KLRG1: variants seen among roughly 807,000 people sequenced by gnomAD.
KLRG1 encodes the protein killer cell lectin-like receptor subfamily G member 1.
In KLRG1, 16 loss-of-function variants were observed where a neutral mutation model predicts 21.8. The ratio of observed to expected loss-of-function variants is 0.73; its 90% CI spans 0.50 to 1.11. The LOEUF (loss-of-function observed/expected upper bound fraction) is 1.11, where lower values mean the gene tolerates loss of function less well. Among genes scored for constraint, KLRG1 ranks in the 50% most tolerant of loss-of-function variants. The probability of loss-of-function intolerance (pLI) is 0.00; values close to 1 mark genes in which losing one functional copy is unlikely to be tolerated. For synonymous variants in KLRG1, 69 were observed against 75.9 expected (o/e 0.91, Z 0.47); for missense variants, 173 against 218.3 (o/e 0.79, Z 1.31).
At chr12:9,079,280 A>C in the KLRG1 span, 1 of 1,613,726 alleles carries the variant, frequency 6.2e-7, no homozygotes, top group South Asian at 1.1e-5. Flanking sequence ...TCGCTCCCCA[A>C]AGGTGCTGTA....
chr12:9,090,663 G>GT, the KLRG1 span: 8 of 610,914 alleles, frequency 1.3e-5, no homozygotes, highest in Non-Finnish European at 2.2e-5. Context: ...GATTTACACA[G>GT]GTAAATCTGA....
rs116204274 is a variant in KLRG1 at position 9,010,555 on chromosome 12, G to C, written c.*1018G>C. ...CTCAGTAGAGTTTGGACATACATAA[G>C]GAGAGAAGGTACAGTGATGAAGGAG... On this transcript the variant is annotated 3_prime_UTR_variant, in exon 5 of 5. Transcript: ENST00000356986. 1 of 152,698 alleles carries C rather than the reference G, an allele frequency of 6.5e-6. No homozygotes were observed. The highest frequency in any genetic ancestry group is 6.5e-5 in the Admixed American group (1 of 15,330). The allele number at this position is 152,698 out of a possible 1,614,324, so 9.5% of individuals were successfully genotyped here. A position where few individuals can be genotyped will look rare whatever the true frequency, so the allele number is the denominator to read the frequency against.
At chr12:9,189,924 A>G in the KLRG1 span, among the ~76,000 whole-genome samples, 43,510 of 152,104 alleles carry the variant, frequency 0.29, 6,399 homozygotes, top group East Asian at 0.4. Context: ...GAGAAATGCA[A>G]CTCAAAACCA....
the KLRG1 span, among the ~76,000 whole-genome samples, chr12:9,207,647 A>G: frequency 3.6e-3 from 552 of 152,316 alleles, 2 homozygotes; most frequent in Non-Finnish European, 5.2e-3. Context: ...AGTAGCCAAG[A>G]AGGACGGAGA....
At chr12:9,163,436 G>C in the KLRG1 span, among the ~76,000 whole-genome samples, 1 of 148,024 alleles carries the variant, frequency 6.8e-6, no homozygotes, top group African/African-American at 2.5e-5. Flanking sequence ...CTGTGCAACA[G>C]AGCAAAACTC....
intron 1 of KLRG1, among the ~76,000 whole-genome samples, chr12:8,991,500 C>A (rs1306923447): frequency 3.9e-5 from 6 of 152,152 alleles, no homozygotes; most frequent in East Asian, 1.9e-4. Context: ...GGTAAAAAGT[C>A]TTTTTCCTAT....
At chr12:9,035,192 C>G in the KLRG1 span, among the ~76,000 whole-genome samples, 1 of 151,990 alleles carries the variant, frequency 6.6e-6, no homozygotes, top group Non-Finnish European at 1.5e-5. Flanking sequence ...ACCTTGGAAC[C>G]AACCCAAATG....
the KLRG1 span, chr12:9,200,571 G>C: frequency 1.3e-6 from 1 of 781,688 alleles, no homozygotes; most frequent in Non-Finnish European, 2.0e-6. Context: ...ACTTTCCAAT[G>C]TATCAACTTT....
intron 1 of KLRG1, among the ~76,000 whole-genome samples, chr12:8,973,207 T>C (rs1447669168): frequency 6.6e-6 from 1 of 151,616 alleles, no homozygotes; most frequent in African/African-American, 2.4e-5. Flanking sequence ...ATTGGGACTT[T>C]GATAAAGATT....
At chr12:9,007,300 AC>A (rs1346373200) in intron 3 of KLRG1, among the ~76,000 whole-genome samples, 3 of 152,252 alleles carry the variant, frequency 2.0e-5, no homozygotes, top group Admixed American at 6.5e-5. Context: ...TCACTCCGTC[AC>A]CCAGGCTGGA....
At chr12:9,008,872 TTTAA>T in intron 3 of KLRG1, 99 bp from the exon 4 acceptor site, 2 of 740,116 alleles carry the variant, frequency 2.7e-6, no homozygotes, top group Non-Finnish European at 4.5e-6. Flanking sequence ...TAGTTTGTCT[TTTAA>T]TTAATTACTT....
chr12:9,027,349 G>A, the KLRG1 span, among the ~76,000 whole-genome samples: 1 of 151,718 alleles, frequency 6.6e-6, no homozygotes, highest in South Asian at 2.1e-4. Context: ...TATACAATTA[G>A]TCACAAACAC....
At chr12:9,103,662 T>C in the KLRG1 span, among the ~76,000 whole-genome samples, 1 of 152,192 alleles carries the variant, frequency 6.6e-6, no homozygotes, top group Non-Finnish European at 1.5e-5. Flanking sequence ...AATCATACAG[T>C]ATTGGTCTTT....
intron 1 of KLRG1, among the ~76,000 whole-genome samples, chr12:8,959,741 G>C (rs1946353040): frequency 6.6e-6 from 1 of 152,124 alleles, no homozygotes; most frequent in Non-Finnish European, 1.5e-5. Flanking sequence ...CAGTGTAGAG[G>C]ACTTACGTGT....
the KLRG1 span, among the ~76,000 whole-genome samples, chr12:9,132,561 A>G: frequency 2.0e-5 from 3 of 152,210 alleles, no homozygotes; most frequent in Admixed American, 6.5e-5. Context: ...CATGAATATG[A>G]CACACACATT....
the KLRG1 span, among the ~76,000 whole-genome samples, chr12:9,103,019 C>T: frequency 2.6e-5 from 4 of 152,092 alleles, no homozygotes; most frequent in African/African-American, 9.7e-5. Context: ...GTCTACATCT[C>T]TCTTGATGAA....
At chr12:9,192,459 C>G in the KLRG1 span, 1 of 1,515,760 alleles carries the variant, frequency 6.6e-7, no homozygotes, top group Admixed American at 1.7e-5. Flanking sequence ...AGCCTATTGA[C>G]CACTTTTGTC....
the KLRG1 span, chr12:9,099,341 A>G: frequency 1.3e-6 from 2 of 1,523,056 alleles, no homozygotes; most frequent in Non-Finnish European, 1.8e-6. Flanking sequence ...AGTAACTTCT[A>G]GTTTTACATG....
At chr12:9,036,781 G>A in the KLRG1 span, 15 of 393,012 alleles carry the variant, frequency 3.8e-5, no homozygotes, top group South Asian at 2.1e-4. Flanking sequence ...GATTTTGCTG[G>A]ACCTGCAATC....
Sources: gnomAD v4.1 joint callset for allele counts (sites outside exome capture counted in the v4.1 genomes callset) on GRCh38, gnomAD v4.1.1 for gene constraint, MANE v1.5 for transcripts, NCBI Gene and HGNC (gene_info 2026-07-23, HGNC 2026-07-21) for gene names.